The following SMOX variants were observed in gnomAD, a reference collection of about 807,000 sequenced individuals.
SMOX encodes spermine oxidase, also known as flavin containing amine oxidase.
SMOX carries 22 observed loss-of-function variants against 51.0 expected under a neutral mutation model. The ratio of observed to expected loss-of-function variants is 0.43; its 90% CI spans 0.31 to 0.62. The LOEUF is 0.62. SMOX is among the 20% of genes least tolerant of loss of function. SMOX has a pLI of 0.10. For synonymous variants in SMOX, 282 were observed against 307.8 expected (o/e 0.92, Z 0.88); for missense variants, 566 against 777.7 (o/e 0.73, Z 3.24).
chr20:4,177,079 C>T lies in SMOX; in HGVS notation c.209-272C>T, dbSNP rs909665935. Among the ~76,000 whole-genome samples the T allele has an allele frequency of 9.9e-5, 15 of 152,176 alleles. No individual in the cohort carries two copies. Among genetic ancestry groups the T allele is most frequent in the South Asian group, 2.1e-4 (1 of 4,810 alleles). ...GGTGTTACCTGAGAAAAAGGTGGGA[C>T]GGAAAAAGAAGAGCCTTCTAACTGG... On this transcript the variant is annotated intron_variant, in intron 2 of 6. Transcript: ENST00000305958. This position sits in a 1 kb window ranked among gnomAD's most constrained non-coding sequence, Gnocchi z 4.3.
chr20:4,167,717 C>G lies in SMOX; in HGVS notation c.-26-7313C>G, dbSNP rs1474482871. On this transcript the variant is annotated intron_variant, in intron 1 of 6. Coordinates refer to ENST00000305958, the MANE Select transcript of SMOX (RefSeq NM_175839.3). The surrounding 1 kb of genome is among the most constrained non-coding windows in gnomAD (Gnocchi z 4.8). ...TCCCTCCTCTTCTGTCTCCTGGGTT[C>G]ATGAGCTGCCCCTGCTCTGTTCCCC... 5.9e-5 allele frequency among the ~76,000 whole-genome samples: 9 copies of G among 152,136 alleles called. No individual in the cohort carries two copies.
Position 4,167,585 on chromosome 20 carries a change from G to A in SMOX, c.-26-7445G>A, listed in dbSNP as rs1210381728. ...GTGCGTCCTTGGAGTGAGTTCAGAGGTGTTGGCCAAGTGGGGCCTGGAGAA... is the reference window on the plus strand; with the variant it reads ...GTGCGTCCTTGGAGTGAGTTCAGAGATGTTGGCCAAGTGGGGCCTGGAGAA... On this transcript the variant is annotated intron_variant, in intron 1 of 6. Coordinates refer to ENST00000305958, the MANE Select transcript of SMOX (RefSeq NM_175839.3). The surrounding 1 kb of genome is among the most constrained non-coding windows in gnomAD (Gnocchi z 4.8). Among the ~76,000 whole-genome samples, 1 of 152,168 alleles carries A rather than the reference G, an allele frequency of 6.6e-6. No individual in the cohort carries two copies. Among genetic ancestry groups the A allele is most frequent in the Non-Finnish European group, 1.5e-5 (1 of 68,028 alleles).
chr20:4,161,775 C>T (rs935953888), intron 1 of SMOX, among the ~76,000 whole-genome samples: 3 of 152,218 alleles, frequency 2.0e-5, no homozygotes, highest in Non-Finnish European at 4.4e-5. Context: ...TGCAGTATCC[C>T]CAGTGCCTCG....
intron 1 of SMOX, among the ~76,000 whole-genome samples, chr20:4,158,124 T>C (rs903440405): frequency 6.6e-6 from 1 of 150,598 alleles, no homozygotes; most frequent in Non-Finnish European, 1.5e-5. Flanking sequence ...ATGGTCTCGA[T>C]CTCCTGACCT....
rs1337281 is a variant in SMOX at position 4,183,037 on chromosome 20, C to A, written c.1369+189C>A. ...CAGTTGCTGACAGTTTAGAACTTGA[C>A]ACACTCAGAATTATGGGCGCTGTGT... On this transcript the variant is annotated intron_variant, in intron 5 of 6. Transcript: ENST00000305958. This position sits in a 1 kb window ranked among gnomAD's most constrained non-coding sequence, Gnocchi z 4.3. Among the ~76,000 whole-genome samples, 15,057 of 152,224 alleles carry A rather than the reference C, an allele frequency of 0.099. 968 individuals are homozygous for A. Among genetic ancestry groups the A allele is most frequent in the African/African-American group, 0.18 (7,419 of 41,494 alleles).
At chr20:4,160,183 C>CCCCA (rs1399836032) in intron 1 of SMOX, among the ~76,000 whole-genome samples, 7 of 152,258 alleles carry the variant, frequency 4.6e-5, no homozygotes. Context: ...CCTGCAGGGA[C>CCCCA]CCCACTAAGC....
intron 1 of SMOX, among the ~76,000 whole-genome samples, chr20:4,163,387 CTCTGCATTTCAGA>C (rs1441361344): frequency 6.6e-6 from 1 of 152,192 alleles, no homozygotes; most frequent in African/African-American, 2.4e-5. Context: ...TTCATCCTAG[CTCTGCATTTCAGA>C]ACAGCGGGGT....
Position 4,182,681 on chromosome 20 carries a change from C to T in SMOX, c.1202C>T (p.Pro401Leu). The change falls in exon 5 of 7, where the codon CCT (proline) becomes CTT (leucine). Residue 401 changes from proline to leucine, a missense_variant. Pro to Leu is a moderately conservative substitution (Grantham distance 98). Coordinates refer to ENST00000305958, the MANE Select transcript of SMOX (RefSeq NM_175839.3). The surrounding 1 kb of genome is among the most constrained non-coding windows in gnomAD (Gnocchi z 8.4). ...EAESHTLTYP[P>L]ELWYRKICGF... ...GAGAGCCACACCCTCACCTACCCAC[C>T]TGAGCTCTGGTACCGCAAGATCTGC... is the stretch of plus-strand genomic sequence containing the variant. 1 of 1,614,154 alleles carries T rather than the reference C, an allele frequency of 6.2e-7. No homozygotes were observed. The highest frequency in any genetic ancestry group is 8.5e-7 in the Non-Finnish European group (1 of 1,180,010).
chr20:4,182,650 G>A lies in SMOX; in HGVS notation c.1171G>A (p.Glu391Lys). 5 of 1,614,108 alleles carry A rather than the reference G, an allele frequency of 3.1e-6. No individual in the cohort carries two copies. The highest frequency in any genetic ancestry group is 1.1e-5 in the South Asian group (1 of 91,080). Residue 391 changes from glutamate (E) to lysine (K), a missense_variant, in exon 5 of 7, where the codon GAA (glutamate) becomes AAA (lysine). Glu to Lys is a moderately conservative substitution (Grantham distance 56, BLOSUM62 1). This residue lies in a region of SMOX where 347 missense variants were observed against 481.8 expected (regional missense o/e 0.72). Coordinates refer to ENST00000305958, the MANE Select transcript of SMOX (RefSeq NM_175839.3). The surrounding 1 kb of genome is among the most constrained non-coding windows in gnomAD (Gnocchi z 8.4). ...CNSLQFVWED[E>K]AESHTLTYPP... ...CAGCCTACAGTTTGTGTGGGAGGAC[G>A]AAGCAGAGAGCCACACCCTCACCTA...
rs759368523 is a variant in SMOX, at chr20:4,183,664, G to A, written c.1530+10G>A. The A allele has an allele frequency of 3.9e-6, 6 of 1,555,676 alleles. No individual in the cohort carries two copies. The highest frequency in any genetic ancestry group is 5.2e-6 in the Non-Finnish European group (6 of 1,153,162). On this transcript the variant is annotated intron_variant, in intron 6 of 6. Transcript: ENST00000305958. The surrounding 1 kb of genome is among the most constrained non-coding windows in gnomAD (Gnocchi z 4.3). ...GAGCTCAAAGACAGCGGTAAGCGGG[G>A]CGTTTGGGGTGAGGAGGGGAGTTGT...
At chr20:4,154,615 A>G (rs996148664) in intron 1 of SMOX, among the ~76,000 whole-genome samples, 17 of 152,184 alleles carry the variant, frequency 1.1e-4, no homozygotes, top group African/African-American at 3.4e-4. Flanking sequence ...CACCTGCCTC[A>G]GCCTCCCAAA....
rs185980658 is a variant in SMOX, at chr20:4,153,994, C to T, written c.-27+5017C>T. On this transcript the variant is annotated intron_variant, in intron 1 of 6. Transcript: ENST00000305958. This position sits in a 1 kb window ranked among gnomAD's most constrained non-coding sequence, Gnocchi z 4.4. ...CGGTTCCTGCTCTCCAGGAAATAAA[C>T]GTGAGCCATGCCAGGTGTGATATAA... 1.1e-4 allele frequency among the ~76,000 whole-genome samples: 16 copies of T among 152,302 alleles called. No homozygotes were observed. The East Asian group carries it at 1.7e-3, about 17-fold the overall frequency.
intron 1 of SMOX, among the ~76,000 whole-genome samples, chr20:4,154,386 C>CTTTCTTTTTTTT (rs143539233): frequency 1.3e-5 from 2 of 149,956 alleles, no homozygotes; most frequent in Admixed American, 1.3e-4. Context: ...TTCTTTCTTT[C>CTTTCTTTTTTTT]TTTTTTTGAG....
Position 4,172,026 on chromosome 20 carries a change from T to G in SMOX, c.-26-3004T>G, listed in dbSNP as rs1034932219. ...TGGCTTCCCAACGCTGGAGCTTATCTGGTCCCCTGGTTTTCAGAGGTGGTG... is the reference window on the plus strand; with the variant it reads ...TGGCTTCCCAACGCTGGAGCTTATCGGGTCCCCTGGTTTTCAGAGGTGGTG... On this transcript the variant is annotated intron_variant, in intron 1 of 6. Transcript: ENST00000305958. The surrounding 1 kb of genome is among the most constrained non-coding windows in gnomAD (Gnocchi z 7.7). 1.4e-4 allele frequency: 21 copies of G among 152,450 alleles called. No individual in the cohort carries two copies. The highest frequency in any genetic ancestry group is 5.1e-4 in the African/African-American group (21 of 41,474). The allele number at this position is 152,450 out of a possible 1,614,324, so 9.4% of individuals were successfully genotyped here. A position where few individuals can be genotyped will look rare whatever the true frequency, so the allele number is the denominator to read the frequency against.
chr20:4,163,017 G>A (rs189795071), intron 1 of SMOX, among the ~76,000 whole-genome samples: 26 of 152,334 alleles, frequency 1.7e-4, no homozygotes, highest in Admixed American at 1.7e-3. Flanking sequence ...GAGCTGGGCA[G>A]CAGCGGGGTG....
At chr20:4,157,737 A>C (rs1293068781) in intron 1 of SMOX, among the ~76,000 whole-genome samples, 1 of 151,914 alleles carries the variant, frequency 6.6e-6, no homozygotes, top group African/African-American at 2.4e-5. Context: ...CTTCATGGAC[A>C]TGAAGCTGGG....
chr20:4,180,029 C>T (rs184830870), intron 3 of SMOX, among the ~76,000 whole-genome samples: 85 of 152,240 alleles, frequency 5.6e-4, no homozygotes, highest in Middle Eastern at 6.8e-3. Context: ...GCATTTTGGC[C>T]TCTAGTTAAC....
rs190156756 is a variant in SMOX at position 4,172,463 on chromosome 20, G to T, written c.-26-2567G>T. 2.9e-3 allele frequency among the ~76,000 whole-genome samples: 447 copies of T among 152,254 alleles called. No individual in the cohort carries two copies. Among genetic ancestry groups the T allele is most frequent in the Middle Eastern group, 0.014 (4 of 294 alleles). On this transcript the variant is annotated intron_variant, in intron 1 of 6. Coordinates refer to ENST00000305958, the MANE Select transcript of SMOX (RefSeq NM_175839.3). The surrounding 1 kb of genome is among the most constrained non-coding windows in gnomAD (Gnocchi z 7.7). ...GAGAACCTGGGGTAGGGTGGGGGAG[G>T]ACTGGAGCCAGCCCTGATCCGTGTC... is the stretch of plus-strand genomic sequence containing the variant.
At position 4,167,224 on chromosome 20, in the gene SMOX, G is replaced by A. The variant is rs146860603; in HGVS notation, c.-26-7806G>A. Reference sequence around the variant, plus strand: ...GATGTGAGGTGCCTGCATGATGTCAGTGTCAAGGTCCAGCCTGATAGTAGG... The same window carrying A: ...GATGTGAGGTGCCTGCATGATGTCAATGTCAAGGTCCAGCCTGATAGTAGG... On this transcript the variant is annotated intron_variant, in intron 1 of 6. Transcript: ENST00000305958. The surrounding 1 kb of genome is among the most constrained non-coding windows in gnomAD (Gnocchi z 4.8). Among the ~76,000 whole-genome samples, 1 of 152,280 alleles carries A rather than the reference G, an allele frequency of 6.6e-6. No homozygotes were observed. The highest frequency in any genetic ancestry group is 2.4e-5 in the African/African-American group (1 of 41,554).
Sources: gnomAD v4.1 joint callset for allele counts (sites outside exome capture counted in the v4.1 genomes callset) on GRCh38, gnomAD v4.1.1 for gene constraint, gnomAD v4.1.1 regional missense constraint, Gnocchi (gnomAD v3.1) non-coding constraint, MANE v1.5 for transcripts, NCBI Gene and HGNC (gene_info 2026-07-23, HGNC 2026-07-21) for gene names.